Variants in NOX1 observed in about 807,000 individuals in gnomAD.
NOX1 encodes NADH/NADPH mitogenic oxidase subunit P65-MOX.
In NOX1, 34 loss-of-function variants were observed where a neutral mutation model predicts 42.5. That is an observed-to-expected ratio of 0.80 (90% CI 0.61 to 1.07). The LOEUF is 1.07. Among genes scored for constraint, NOX1 ranks in the 50% least tolerant of loss-of-function variants. NOX1 has a pLI of 0.00. For synonymous variants in NOX1, 143 were observed against 152.5 expected (o/e 0.94, Z 0.46); for missense variants, 408 against 427.0 (o/e 0.96, Z 0.39).
chrX:100,856,746 A>T (rs897233513), intron 7 of NOX1, among the ~76,000 whole-genome samples: 2 of 110,046 alleles, frequency 1.8e-5, no homozygotes, highest in Non-Finnish European at 1.9e-5. Flanking sequence ...CTAATTTTTT[A>T]ATATTCTGTA....
chrX:100,867,453 A>C (rs959840010), intron 2 of NOX1, among the ~76,000 whole-genome samples: 6 of 113,086 alleles, frequency 5.3e-5, no homozygotes, highest in East Asian at 2.8e-4. Flanking sequence ...TGGAATGTTT[A>C]AATAAATTAT....
Position 100,851,246 on chromosome X carries a change from A to G in NOX1, c.884T>C (p.Val295Ala), listed in dbSNP as rs376777923. Residue 295 changes from valine (V) to alanine (A), a missense_variant, in exon 8 of 13, where the codon GTT becomes GCT. By Grantham distance (64) the Val-to-Ala change is moderately conservative. Coordinates refer to ENST00000372966, the MANE Select transcript of NOX1 (RefSeq NM_007052.5). Reference protein sequence around the residue: ...ILRFYRSQQKVVITKVVMHPS... With the variant: ...ILRFYRSQQKAVITKVVMHPS... ...CATATTCTTTACCTTGGTAATCACA[A>G]CCTTCTGCTGGGAGCGGTAAAACCG... 7 of 1,175,601 alleles carry G rather than the reference A, an allele frequency of 6.0e-6. No homozygotes were observed. The highest frequency in any genetic ancestry group is 6.0e-5 in the East Asian group (2 of 33,256).
Position 100,856,125 on chromosome X carries a change from G to A in NOX1, c.805-4800C>T, listed in dbSNP as rs1249195000. ...TCTTCTCTTGAGACAGTTCTCTTTG[G>A]TTCCACAACTTTTCCATCCACCTTG... On this transcript the variant is annotated intron_variant, in intron 7 of 12. Coordinates refer to ENST00000372966, the MANE Select transcript of NOX1 (RefSeq NM_007052.5). 3 of 965,153 alleles carry A rather than the reference G, an allele frequency of 3.1e-6. No homozygotes were observed. In the African/African-American group the frequency reaches 5.7e-5, roughly 18 times the overall value. The allele number at this position is 965,153 out of a possible 1,213,427, so 79.5% of individuals were successfully genotyped here. A position where few individuals can be genotyped will look rare whatever the true frequency, so the allele number is the denominator to read the frequency against.
chrX:100,855,549 C>T, intron 7 of NOX1: 1 of 764,782 alleles, frequency 1.3e-6, no homozygotes, highest in South Asian at 2.1e-5. Context: ...GCTGTCATAG[C>T]TGCCACTCCT....
intron 7 of NOX1, among the ~76,000 whole-genome samples, chrX:100,859,864 T>C (rs1405236662): frequency 9.2e-6 from 1 of 108,542 alleles, no homozygotes; most frequent in Non-Finnish European, 1.9e-5. Flanking sequence ...GTGTAGCTAG[T>C]GGTCTATTCT....
chrX:100,870,389 T>C (rs1291947174), intron 2 of NOX1, among the ~76,000 whole-genome samples: 1 of 111,772 alleles, frequency 8.9e-6, no homozygotes, highest in South Asian at 3.7e-4. Flanking sequence ...GTTTTCTTTA[T>C]TGCATGTTTC....
chrX:100,843,639 T>C lies in NOX1; in HGVS notation c.*313A>G. 2.2e-6 allele frequency: 1 copy of C among 464,518 alleles called. No individual in the cohort carries two copies. Among genetic ancestry groups the C allele is most frequent in the Non-Finnish European group, 3.4e-6 (1 of 296,144 alleles). 38.3% of individuals were successfully genotyped at this position (464,518 alleles called of 1,213,427 possible). A position where few individuals can be genotyped will look rare whatever the true frequency, so the allele number is the denominator to read the frequency against. On this transcript the variant is annotated 3_prime_UTR_variant, in exon 13 of 13. Transcript: ENST00000372966. The stretch of plus-strand genomic sequence containing the variant: ...TGATAAAATCACCTGGGATTAGTTG[T>C]ATAACTCTGAACCACCAAACCTCTG...
At chrX:100,873,925 T>G (rs1163058277) in intron 1 of NOX1, among the ~76,000 whole-genome samples, 170 bp downstream of exon 1, 1 of 112,580 alleles carries the variant, frequency 8.9e-6, no homozygotes, top group Non-Finnish European at 1.9e-5. Context: ...GCATGTTATT[T>G]GCCTCTGTCC....
In NOX1 at chrX:100,849,628, G is replaced by A. The variant is rs137895117; in HGVS notation, c.1296+144C>T. On this transcript the variant is annotated intron_variant, in intron 10 of 12. Transcript: ENST00000372966. The stretch of plus-strand genomic sequence containing the variant: ...TTCTTATGATAAATCTGTAGAAGTG[G>A]ATGTCCTGGCCAAGAGAAGTGATCA... 1.2e-3 allele frequency: 772 copies of A among 660,910 alleles called. 3 individuals are homozygous for A. The African/African-American group carries it at 0.015, about 13-fold the overall frequency. The allele number at this position is 660,910 out of a possible 1,213,427, so 54.5% of individuals were successfully genotyped here.
At chrX:100,844,185 G>T in intron 12 of NOX1, 107 bp from the exon 13 acceptor site, 1 of 752,825 alleles carries the variant, frequency 1.3e-6, no homozygotes, top group Non-Finnish European at 1.9e-6. Context: ...TAAAAATTCG[G>T]TTGTTTACTC....
rs1034244321 is a variant in NOX1 at position 100,860,987 on chromosome X, C to T, written c.804+1184G>A. Among the ~76,000 whole-genome samples, 5 of 111,557 alleles carry T rather than the reference C, an allele frequency of 4.5e-5. No individual in the cohort carries two copies. The South Asian group carries it at 1.5e-3, about 34-fold the overall frequency. ...CTCCTGGGCTCAAGCAATCCACCCA[C>T]CTCAGCCTCCCAAATTGCTGGGATT... On this transcript the variant is annotated intron_variant, in intron 7 of 12. Transcript: ENST00000372966.
chrX:100,858,933 T>C (rs192415150), intron 7 of NOX1, among the ~76,000 whole-genome samples: 41 of 111,674 alleles, frequency 3.7e-4, no homozygotes, highest in Non-Finnish European at 3.0e-4. Context: ...TTCTTTCTCC[T>C]GCCTGATTGC....
intron 7 of NOX1, among the ~76,000 whole-genome samples, chrX:100,859,528 G>C (rs1238143391): frequency 1.8e-5 from 2 of 111,281 alleles, no homozygotes; most frequent in Non-Finnish European, 3.8e-5. Context: ...GATCTTCTTT[G>C]TACATCTGGA....
intron 12 of NOX1, among the ~76,000 whole-genome samples, chrX:100,846,050 T>G (rs1201497337): frequency 9.0e-6 from 1 of 111,176 alleles, no homozygotes; most frequent in Non-Finnish European, 1.9e-5. Context: ...CCTCCCAAAG[T>G]GCTGGGATTA....
In NOX1 at chrX:100,850,993, C is replaced by A. The variant is rs543521717; in HGVS notation, c.897+240G>T. 3.5e-4 allele frequency among the ~76,000 whole-genome samples: 39 copies of A among 110,574 alleles called. 1 individual carries two copies. The South Asian group carries it at 0.015, about 42-fold the overall frequency. On this transcript the variant is annotated intron_variant, in intron 8 of 12. Coordinates refer to ENST00000372966, the MANE Select transcript of NOX1 (RefSeq NM_007052.5). Reference sequence around the variant, plus strand: ...TAGCTGGAATTACAGGTGGGCACCACCACGCTCAGCTAATTTTTTTTTTTT... The same window carrying A: ...TAGCTGGAATTACAGGTGGGCACCAACACGCTCAGCTAATTTTTTTTTTTT...
intron 7 of NOX1, among the ~76,000 whole-genome samples, chrX:100,859,893 TTCTA>T (rs1304110000): frequency 9.1e-6 from 1 of 109,465 alleles, no homozygotes; most frequent in Non-Finnish European, 1.9e-5. Flanking sequence ...GTAGCTAGCA[TTCTA>T]TCTATCTTAT....
chrX:100,853,251 TTCCTTCCTTCC>T (rs1268988608), intron 7 of NOX1, among the ~76,000 whole-genome samples: 1 of 39,555 alleles, frequency 2.5e-5, no homozygotes, highest in African/African-American at 1.3e-4. Flanking sequence ...CTTTCCTTCC[TTCCTTCCTTCC>T]TTTCTTTCTT....
intron 7 of NOX1, among the ~76,000 whole-genome samples, 194 bp downstream of exon 7, chrX:100,861,977 A>C (rs1169237994): frequency 8.9e-6 from 1 of 112,286 alleles, no homozygotes. Context: ...TTTCTCTTCA[A>C]GATCCCCTTG....
intron 2 of NOX1, among the ~76,000 whole-genome samples, chrX:100,867,907 AAAG>A (rs2085249745): frequency 9.0e-6 from 1 of 111,294 alleles, no homozygotes; most frequent in Non-Finnish European, 1.9e-5. Flanking sequence ...GAGAAAAAAG[AAAG>A]AAGGAAAGAA....
Sources: allele counts gnomAD v4.1 joint callset (sites outside exome capture counted in the v4.1 genomes callset), GRCh38; gene constraint gnomAD v4.1.1; transcripts MANE v1.5; gene names NCBI Gene and HGNC (gene_info 2026-07-23, HGNC 2026-07-21).